GNB4: variants seen among roughly 807,000 people sequenced by gnomAD.
The protein encoded by GNB4 is G protein subunit beta 4.
GNB4 carries 28 observed loss-of-function variants against 45.2 expected under a neutral mutation model. The observed-to-expected ratio is 0.62, with a 90% CI of 0.46 to 0.85. GNB4 has a LOEUF of 0.85. Ranked by LOEUF, GNB4 falls within the 40% of genes least tolerant of loss-of-function variation. The pLI is 0.00. For missense variants in GNB4, 321 were observed against 425.4 expected, an observed-to-expected ratio of 0.75 and a Z score of 2.16; for synonymous variants, 132 against 143.7, an observed-to-expected ratio of 0.92 and a Z score of 0.58.
the GNB4 span, chr3:179,464,427 T>G: frequency 1.3e-6 from 2 of 1,505,396 alleles, no homozygotes; most frequent in Non-Finnish European, 1.8e-6. Context: ...CCCTCGCCCC[T>G]TCCACCTCAC....
At chr3:179,527,790 A>ATGTATG in the GNB4 span, among the ~76,000 whole-genome samples, 11 of 142,336 alleles carry the variant, frequency 7.7e-5, no homozygotes, top group African/African-American at 2.8e-4. Context: ...GTGTGTATGT[A>ATGTATG]TGTGTGTGTG....
At chr3:179,499,487 A>C in the GNB4 span, among the ~76,000 whole-genome samples, 23 of 152,124 alleles carry the variant, frequency 1.5e-4, no homozygotes, top group Non-Finnish European at 2.6e-4. Context: ...AATCCAGTCT[A>C]TCATTCATGG....
the GNB4 span, among the ~76,000 whole-genome samples, chr3:179,491,524 C>T: frequency 1.3e-5 from 2 of 152,176 alleles, no homozygotes; most frequent in African/African-American, 2.4e-5. Context: ...AAATTAGTGA[C>T]AGTTATTTTT....
intron 2 of GNB4, 100 bp downstream of exon 2, chr3:179,426,044 C>T: frequency 1.1e-6 from 1 of 876,866 alleles, no homozygotes; most frequent in Admixed American, 2.7e-5. Context: ...CCATTTCTAG[C>T]CTTAGAAATC....
At chr3:179,503,164 C>A in the GNB4 span, among the ~76,000 whole-genome samples, 8 of 152,244 alleles carry the variant, frequency 5.3e-5, 1 homozygote, top group South Asian at 1.5e-3. Flanking sequence ...TTGTACATTC[C>A]ACTGTATGTA....
chr3:179,465,796 T>TTTCTTC, the GNB4 span, among the ~76,000 whole-genome samples: 12 of 54,328 alleles, frequency 2.2e-4, no homozygotes, highest in Middle Eastern at 0.02. Context: ...AGATAATTTT[T>TTTCTTC]TTCTTCTTCT....
chr3:179,451,623 G>A (rs930118858), upstream of GNB4: 1 of 151,320 alleles, frequency 6.6e-6, no homozygotes, highest in African/African-American at 2.4e-5. Context: ...CGCAGCCCGG[G>A]CGGGGGGCGA....
At chr3:179,478,195 G>T in the GNB4 span, among the ~76,000 whole-genome samples, 3 of 151,980 alleles carry the variant, frequency 2.0e-5, no homozygotes, top group Non-Finnish European at 4.4e-5. Context: ...CTCTCATGAT[G>T]GCAACATTAA....
upstream of GNB4, among the ~76,000 whole-genome samples, chr3:179,452,089 T>C (rs1355947900): frequency 1.3e-5 from 2 of 152,160 alleles, no homozygotes; most frequent in Non-Finnish European, 2.9e-5. Context: ...GAAGCCTGCC[T>C]CCAAATAAAT....
the GNB4 span, among the ~76,000 whole-genome samples, chr3:179,520,521 C>T: frequency 2.0e-5 from 3 of 152,166 alleles, no homozygotes; most frequent in South Asian, 2.1e-4. Flanking sequence ...CTGCCGCCGC[C>T]CTAATACTTT....
the GNB4 span, among the ~76,000 whole-genome samples, chr3:179,481,400 C>G: frequency 6.6e-6 from 1 of 152,094 alleles, no homozygotes; most frequent in African/African-American, 2.4e-5. Context: ...GCCTCTACCT[C>G]CTGGACTCAA....
chr3:179,438,756 C>T (rs575197685), intron 1 of GNB4, among the ~76,000 whole-genome samples: 2 of 152,220 alleles, frequency 1.3e-5, no homozygotes, highest in East Asian at 1.9e-4. Flanking sequence ...TTCATTTGCA[C>T]CAGGACTCTC....
Position 179,396,807 on chromosome 3 carries a change from T to C in GNB4, c.*4406A>G, listed in dbSNP as rs1004115566. The C allele has an allele frequency of 9.2e-5, 14 of 152,312 alleles. No individual in the cohort carries two copies. The highest frequency in any genetic ancestry group is 2.9e-4 in the African/African-American group (12 of 41,564). The allele number at this position is 152,312 out of a possible 1,614,324, so 9.4% of individuals were successfully genotyped here. A position where few individuals can be genotyped will look rare whatever the true frequency, so the allele number is the denominator to read the frequency against. On this transcript the variant is annotated 3_prime_UTR_variant, in exon 10 of 10. Transcript: ENST00000232564. ...AGATATTCTACTATAAACCATTTCATTGAGTACCTATTATGTAACCAATAT... is the reference window on the plus strand; with the variant it reads ...AGATATTCTACTATAAACCATTTCACTGAGTACCTATTATGTAACCAATAT...
chr3:179,444,592 GT>G lies in GNB4; in HGVS notation c.-43+6753del, dbSNP rs1181646775. ...ATCGGCACGGTGGCATGCACCTATA[GT>G]CCCAGATACTTAAGAGGCTGAGATG... is the stretch of plus-strand genomic sequence containing the variant. On this transcript the variant is annotated intron_variant, in intron 1 of 9. Coordinates refer to ENST00000232564, the MANE Select transcript of GNB4 (RefSeq NM_021629.4). Among the ~76,000 whole-genome samples the G allele has an allele frequency of 5.9e-5, 9 of 152,086 alleles. No homozygotes were observed. In the South Asian group the frequency reaches 1.5e-3, roughly 25 times the overall value.
At chr3:179,473,220 T>C in the GNB4 span, among the ~76,000 whole-genome samples, 2 of 152,152 alleles carry the variant, frequency 1.3e-5, no homozygotes, top group African/African-American at 4.8e-5. Context: ...TCCCTTATTC[T>C]TCTAGTAAAT....
intron 2 of GNB4, among the ~76,000 whole-genome samples, chr3:179,423,320 C>T (rs116153617): frequency 0.022 from 3,339 of 152,184 alleles, 123 homozygotes; most frequent in African/African-American, 0.076. Context: ...CAAGGCAGAC[C>T]GTGATCAGCT....
upstream of GNB4, among the ~76,000 whole-genome samples, chr3:179,453,277 C>T (rs1294456878): frequency 1.3e-5 from 2 of 152,176 alleles, no homozygotes; most frequent in African/African-American, 4.8e-5. Context: ...CAAGCCACCA[C>T]GCCCGGCTGA....
At chr3:179,434,124 T>C (rs1715381686) in intron 1 of GNB4, among the ~76,000 whole-genome samples, 3 of 152,186 alleles carry the variant, frequency 2.0e-5, no homozygotes, top group Non-Finnish European at 2.9e-5. Context: ...TCTGGATATA[T>C]AAGCCCTAAG....
chr3:179,489,045 T>TATAA, the GNB4 span, among the ~76,000 whole-genome samples: 7 of 71,514 alleles, frequency 9.8e-5, no homozygotes, highest in African/African-American at 3.4e-4. Context: ...TATATATATA[T>TATAA]AATATATATG....
Sources: allele counts gnomAD v4.1 joint callset (sites outside exome capture counted in the v4.1 genomes callset), GRCh38; gene constraint gnomAD v4.1.1; transcripts MANE v1.5; gene names NCBI Gene and HGNC (gene_info 2026-07-23, HGNC 2026-07-21).